The following CSMD1 variants were observed in gnomAD, a reference collection of about 807,000 sequenced individuals.
CSMD1 encodes CUB and Sushi multiple domains 1, also known as CUB and sushi domain-containing protein 1.
In CSMD1, 213 loss-of-function variants were observed where a neutral mutation model predicts 417.5. That is an observed-to-expected ratio of 0.51 (90% confidence interval 0.46 to 0.57). The LOEUF is 0.57. CSMD1 is among the 20% of genes least tolerant of loss of function. The pLI, the probability that CSMD1 is intolerant of heterozygous loss-of-function variation, is 0.00. For synonymous variants in CSMD1, 2,862 were observed against 1,736.8 expected, an observed-to-expected ratio of 1.65 and a Z score of -16.11; for missense variants, 6,923 against 4,529.7, an observed-to-expected ratio of 1.53 and a Z score of -15.17.
intron 54 of CSMD1, among the ~76,000 whole-genome samples, chr8:2,979,447 G>A (rs559606553): frequency 6.6e-6 from 1 of 152,334 alleles, no homozygotes; most frequent in African/African-American, 2.4e-5. Context: ...AATGCCTGTT[G>A]GCGTCTGTGA....
rs73660842 is a variant in CSMD1, at chr8:4,447,500, A to G, written c.303-27435T>C. ...ACAAAATCTTTAAATCTAAGATGTG[A>G]ATGTTCTTTGGAGAGGCTCTAATCC... On this transcript the variant is annotated intron_variant, in intron 2 of 69. Transcript: ENST00000635120. Among the ~76,000 whole-genome samples the G allele has an allele frequency of 3.2e-3, 491 of 152,304 alleles. 3 individuals carry two copies. Among genetic ancestry groups the G allele is most frequent in the African/African-American group, 0.011 (468 of 41,564 alleles).
At chr8:4,874,320 T>C (rs1486027942) in intron 1 of CSMD1, among the ~76,000 whole-genome samples, 4 of 152,014 alleles carry the variant, frequency 2.6e-5, no homozygotes, top group Non-Finnish European at 5.9e-5. Flanking sequence ...TTTATTTTAA[T>C]TTGCAGTACT....
intron 7 of CSMD1, among the ~76,000 whole-genome samples, chr8:3,707,478 G>A (rs751396343): frequency 2.5e-4 from 38 of 152,150 alleles, no homozygotes; most frequent in African/African-American, 7.5e-4. Flanking sequence ...ACAACCCAAT[G>A]GGTAGAAAGT....
intron 3 of CSMD1, among the ~76,000 whole-genome samples, chr8:4,140,411 T>C (rs35399325): frequency 0.3 from 45,146 of 150,496 alleles, 8,405 homozygotes; most frequent in Non-Finnish European, 0.39. Context: ...AGCAGGAGAA[T>C]TGCTTGAACC....
intron 2 of CSMD1, among the ~76,000 whole-genome samples, chr8:4,557,675 G>A (rs1798155214): frequency 1.3e-5 from 2 of 151,974 alleles, no homozygotes; most frequent in African/African-American, 4.8e-5. Flanking sequence ...AGGAAGCAAG[G>A]AAGAAAGGAA....
intron 8 of CSMD1, among the ~76,000 whole-genome samples, chr8:3,605,745 G>A (rs76558375): frequency 7.9e-5 from 12 of 152,228 alleles, no homozygotes; most frequent in East Asian, 5.8e-4. Context: ...CACATACCAA[G>A]GACATACATT....
At chr8:4,917,367 G>A (rs1165499143) in intron 1 of CSMD1, among the ~76,000 whole-genome samples, 1 of 152,176 alleles carries the variant, frequency 6.6e-6, no homozygotes, top group African/African-American at 2.4e-5. Flanking sequence ...GGGTGCGGCG[G>A]CTCACGCCTG....
intron 5 of CSMD1, among the ~76,000 whole-genome samples, chr8:3,829,092 T>G (rs1418458168): frequency 6.6e-6 from 1 of 152,226 alleles, no homozygotes; most frequent in South Asian, 2.1e-4. Context: ...GAGCAAGTTC[T>G]TTAGTGGAGT....
intron 12 of CSMD1, among the ~76,000 whole-genome samples, chr8:3,441,653 T>G (rs750469081): frequency 6.6e-6 from 1 of 152,068 alleles, no homozygotes; most frequent in Non-Finnish European, 1.5e-5. Context: ...CATAGCACAA[T>G]GCATTGCGCA....
Position 2,978,738 on chromosome 8 carries a change from G to T in CSMD1, c.8440C>A (p.Pro2814Thr). The T allele has an allele frequency of 6.2e-7, 1 of 1,613,472 alleles. No homozygotes were observed. The highest frequency in any genetic ancestry group is 8.5e-7 in the Non-Finnish European group (1 of 1,179,730). Residue 2814 changes from proline to threonine, a missense_variant, in exon 55 of 70, where the codon CCT becomes ACT. By Grantham distance (38) the Pro-to-Thr change is conservative. Coordinates refer to ENST00000635120, the MANE Select transcript of CSMD1 (RefSeq NM_033225.6). ...NAIRHGQQNF[P>T]ESFEYGMSIL... is the part of the protein sequence containing the mutation. ...CTCATTCCATACTCAAAACTCTCAG[G>T]GAAGTTCTGTTGCCCGTGACGAATG...
intron 23 of CSMD1, among the ~76,000 whole-genome samples, chr8:3,327,527 T>G (rs1324324715): frequency 6.6e-6 from 1 of 152,186 alleles, no homozygotes; most frequent in South Asian, 2.1e-4. Context: ...TAATATCAGT[T>G]TAATGTCTGT....
In CSMD1 at chr8:4,255,396, G is replaced by C. The variant is rs77624957; in HGVS notation, c.415+164557C>G. Among the ~76,000 whole-genome samples, 69 of 152,204 alleles carry C rather than the reference G, an allele frequency of 4.5e-4. No homozygotes were observed. The East Asian group carries it at 0.012, about 26-fold the overall frequency. On this transcript the variant is annotated intron_variant, in intron 3 of 69. Coordinates refer to ENST00000635120, the MANE Select transcript of CSMD1 (RefSeq NM_033225.6). ...GGTGACTGAGCAAAAAAATTAAAGA[G>C]GACGCAATATGCAAACAGTAAAAAT... is the stretch of plus-strand genomic sequence containing the variant.
intron 1 of CSMD1, among the ~76,000 whole-genome samples, chr8:4,729,454 G>T (rs912974816): frequency 1.3e-5 from 2 of 152,132 alleles, no homozygotes; most frequent in Non-Finnish European, 2.9e-5. Flanking sequence ...GGGGAGCAGA[G>T]AAATGATCAA....
At chr8:4,844,379 A>C (rs1801014451) in intron 1 of CSMD1, among the ~76,000 whole-genome samples, 1 of 152,090 alleles carries the variant, frequency 6.6e-6, no homozygotes. Context: ...TGCCCTTCCC[A>C]TAGGAAATTA....
At chr8:4,598,067 C>G (rs1403938478) in intron 2 of CSMD1, among the ~76,000 whole-genome samples, 1 of 151,850 alleles carries the variant, frequency 6.6e-6, no homozygotes, top group Admixed American at 6.6e-5. Context: ...TAATTAGATG[C>G]AAAAATCACA....
chr8:3,610,275 G>C (rs547660245), intron 8 of CSMD1, among the ~76,000 whole-genome samples: 1 of 152,274 alleles, frequency 6.6e-6, no homozygotes, highest in Admixed American at 6.5e-5. Flanking sequence ...CACGGTATCA[G>C]TAATTCCAGC....
At chr8:4,581,130 G>A (rs1180322220) in intron 2 of CSMD1, among the ~76,000 whole-genome samples, 1 of 152,096 alleles carries the variant, frequency 6.6e-6, no homozygotes, top group Non-Finnish European at 1.5e-5. Context: ...ACGGTAGAAA[G>A]AATCTTTAGT....
intron 5 of CSMD1, among the ~76,000 whole-genome samples, chr8:3,919,536 G>T (rs1027833417): frequency 6.6e-6 from 1 of 152,102 alleles, no homozygotes; most frequent in Non-Finnish European, 1.5e-5. Flanking sequence ...TATTACTGAA[G>T]ATTGGTAATA....
chr8:3,476,681 G>T (rs1192027742), intron 11 of CSMD1, among the ~76,000 whole-genome samples: 1 of 151,920 alleles, frequency 6.6e-6, no homozygotes, highest in East Asian at 1.9e-4. Flanking sequence ...CTTTTTTGAG[G>T]CCAAGGCGGG....
Sources: gnomAD v4.1 joint callset for allele counts (sites outside exome capture counted in the v4.1 genomes callset) on GRCh38, gnomAD v4.1.1 for gene constraint, MANE v1.5 for transcripts, NCBI Gene and HGNC (gene_info 2026-07-23, HGNC 2026-07-21) for gene names.